Variants in REPS2 observed in about 807,000 individuals in gnomAD.
REPS2 encodes RALBP1 associated Eps domain containing 2.
In REPS2, 23 loss-of-function variants were observed where a neutral mutation model predicts 53.6. The observed-to-expected ratio is 0.43, with a 90% confidence interval of 0.31 to 0.61. The LOEUF is 0.61. Among genes scored for constraint, REPS2 ranks in the 20% least tolerant of loss-of-function variants. REPS2 has a pLI of 0.11. For missense variants in REPS2, 446 were observed against 534.9 expected (o/e 0.83, Z 1.64); for synonymous variants, 238 against 218.6 (o/e 1.09, Z -0.78).
chrX:17,125,351 C>G (rs1255407481), intron 14 of REPS2, among the ~76,000 whole-genome samples: 1 of 111,616 alleles, frequency 9.0e-6, no homozygotes, highest in Non-Finnish European at 1.9e-5. Context: ...CACCTGTGGC[C>G]TTGCCCAGAC....
intron 1 of REPS2, among the ~76,000 whole-genome samples, chrX:16,984,066 A>G (rs1315551426): frequency 3.5e-5 from 4 of 112,836 alleles, no homozygotes; most frequent in Non-Finnish European, 7.5e-5. Flanking sequence ...TAGCACTTTA[A>G]CACAACAAAC....
At chrX:17,100,305 G>A (rs1397169318) in intron 13 of REPS2, 2 of 541,644 alleles carry the variant, frequency 3.7e-6, no homozygotes, top group East Asian at 6.5e-5. Context: ...TTCTTGTTTT[G>A]TTTTTTCTCC....
intron 5 of REPS2, among the ~76,000 whole-genome samples, chrX:17,033,168 C>T (rs922257199): frequency 4.5e-5 from 5 of 111,628 alleles, no homozygotes; most frequent in Admixed American, 1.9e-4. Flanking sequence ...TATGTTAAGC[C>T]GTTGTCTTTA....
chrX:17,125,439 T>C (rs1445789173), intron 14 of REPS2, among the ~76,000 whole-genome samples: 2 of 111,909 alleles, frequency 1.8e-5, no homozygotes, highest in East Asian at 5.6e-4. Flanking sequence ...TGATCTGGGC[T>C]GGCTACATAA....
chrX:16,977,193 G>A (rs1212035300), intron 1 of REPS2, among the ~76,000 whole-genome samples: 1 of 111,234 alleles, frequency 9.0e-6, no homozygotes, highest in Non-Finnish European at 1.9e-5. Flanking sequence ...ACTTGAATGA[G>A]GTAGTCTTTT....
intron 3 of REPS2, among the ~76,000 whole-genome samples, chrX:17,024,122 CAA>C (rs773392773): frequency 1.5e-3 from 97 of 65,411 alleles, no homozygotes; most frequent in African/African-American, 4.5e-3. Context: ...GACCTCATTT[CAA>C]AAAAAAAAAA....
At chrX:16,963,801 C>G (rs1319923025) in intron 1 of REPS2, among the ~76,000 whole-genome samples, 1 of 111,004 alleles carries the variant, frequency 9.0e-6, no homozygotes, top group Non-Finnish European at 1.9e-5. Context: ...ACTTATAAAC[C>G]AAGAAGTAGG....
intron 2 of REPS2, among the ~76,000 whole-genome samples, chrX:17,015,278 T>A (rs1473422414): frequency 8.9e-6 from 1 of 112,994 alleles, no homozygotes; most frequent in African/African-American, 3.2e-5. Flanking sequence ...AATAAAAGGT[T>A]TTAAACAGTG....
intron 1 of REPS2, among the ~76,000 whole-genome samples, chrX:16,973,269 G>A (rs1255129874): frequency 1.8e-5 from 2 of 111,259 alleles, no homozygotes; most frequent in African/African-American, 6.5e-5. Context: ...CTGTCTGCAG[G>A]GTTTCTCTAC....
At chrX:17,065,997 T>C (rs1015406385) in intron 9 of REPS2, among the ~76,000 whole-genome samples, 2 of 112,111 alleles carry the variant, frequency 1.8e-5, no homozygotes, top group African/African-American at 6.5e-5. Context: ...TATGTGGATT[T>C]CTAGTCGTCC....
At chrX:17,030,969 A>G (rs1036491300) in intron 5 of REPS2, among the ~76,000 whole-genome samples, 9 of 112,268 alleles carry the variant, frequency 8.0e-5, no homozygotes, top group African/African-American at 2.9e-4. Context: ...TTGATACCAC[A>G]CTGGAGAACC....
chrX:16,998,077 T>A (rs983945666), intron 1 of REPS2, among the ~76,000 whole-genome samples: 15 of 29,928 alleles, frequency 5.0e-4, no homozygotes, highest in Non-Finnish European at 2.0e-4. Context: ...AGACCCCCCA[T>A]CTCTACAAAA....
At chrX:17,043,868 G>A (rs1259564472) in intron 5 of REPS2, among the ~76,000 whole-genome samples, 4 of 112,673 alleles carry the variant, frequency 3.6e-5, no homozygotes, top group Non-Finnish European at 5.6e-5. Context: ...GTCTGTCATG[G>A]CCGTGGGTAC....
chrX:17,112,072 G>A (rs760166632), intron 14 of REPS2, among the ~76,000 whole-genome samples: 3 of 109,831 alleles, frequency 2.7e-5, no homozygotes, highest in Non-Finnish European at 3.8e-5. Flanking sequence ...GGGCTGAAGG[G>A]ACTCAGCCTC....
chrX:17,132,303 G>T (rs1260903505), intron 14 of REPS2, among the ~76,000 whole-genome samples: 2 of 112,014 alleles, frequency 1.8e-5, no homozygotes, highest in Admixed American at 9.4e-5. Flanking sequence ...AGTTATTGGG[G>T]GCCAGACCCC....
intron 1 of REPS2, among the ~76,000 whole-genome samples, chrX:16,964,189 T>A (rs1288726004): frequency 9.3e-6 from 1 of 107,936 alleles, no homozygotes; most frequent in African/African-American, 3.4e-5. Flanking sequence ...TTCCGCAGTG[T>A]TTGTGTCCCT....
At chrX:17,174,712 G>A in the REPS2 span, among the ~76,000 whole-genome samples, 1 of 112,618 alleles carries the variant, frequency 8.9e-6, no homozygotes, top group Non-Finnish European at 1.9e-5. Context: ...TTTACCCTCC[G>A]GTGTGGGTCC....
chrX:16,965,929 G>A (rs943990086), intron 1 of REPS2, among the ~76,000 whole-genome samples: 16 of 112,678 alleles, frequency 1.4e-4, no homozygotes, highest in African/African-American at 4.2e-4. Context: ...CCAACACAGC[G>A]AATCCCCATC....
At chrX:17,074,857 T>C (rs1225590197) in intron 12 of REPS2, among the ~76,000 whole-genome samples, 3 of 111,775 alleles carry the variant, frequency 2.7e-5, no homozygotes, top group Non-Finnish European at 3.8e-5. Context: ...GGATACCATG[T>C]GTGTGTTTTC....
Sources: gnomAD v4.1 joint callset for allele counts (sites outside exome capture counted in the v4.1 genomes callset) on GRCh38, gnomAD v4.1.1 for gene constraint, MANE v1.5 for transcripts, NCBI Gene and HGNC (gene_info 2026-07-23, HGNC 2026-07-21) for gene names.